POFUT3: variants seen among roughly 807,000 people sequenced by gnomAD.
The protein encoded by POFUT3 is protein O-fucosyltransferase 3, also known as GDP-fucose protein O-fucosyltransferase 3.
At chr8:33,451,097 T>C in the POFUT3 span, among the ~76,000 whole-genome samples, 2 of 150,486 alleles carry the variant, frequency 1.3e-5, no homozygotes, top group Non-Finnish European at 3.0e-5. Context: ...TGTGTACACA[T>C]ACATGTACAT....
At chr8:33,418,409 CTCT>C in the POFUT3 span, among the ~76,000 whole-genome samples, 1 of 110,138 alleles carries the variant, frequency 9.1e-6, no homozygotes, top group African/African-American at 3.9e-5. Flanking sequence ...AAAAAGGGAA[CTCT>C]TTTTTTTTTT....
the POFUT3 span, among the ~76,000 whole-genome samples, chr8:33,445,925 C>T: frequency 2.1e-4 from 32 of 152,286 alleles, 1 homozygote; most frequent in Admixed American, 1.9e-3. Flanking sequence ...CATCACCTAC[C>T]AGACCCACCC....
the POFUT3 span, among the ~76,000 whole-genome samples, chr8:33,417,719 C>CCA: frequency 6.6e-6 from 1 of 152,148 alleles, no homozygotes; most frequent in Admixed American, 6.5e-5. Context: ...CTCGCCTCCT[C>CCA]CACCAAGAGC....
chr8:33,395,514 C>G, the POFUT3 span, among the ~76,000 whole-genome samples: 7 of 152,058 alleles, frequency 4.6e-5, no homozygotes, highest in Non-Finnish European at 7.4e-5. Context: ...CCGCTCTATC[C>G]CCTTTCCAGC....
At chr8:33,309,185 T>TATATGGGG in the POFUT3 span, among the ~76,000 whole-genome samples, 1 of 112,076 alleles carries the variant, frequency 8.9e-6, no homozygotes, top group African/African-American at 3.9e-5. Flanking sequence ...TATATATATA[T>TATATGGGG]ATATATATAT....
chr8:33,371,072 T>C, the POFUT3 span: 1 of 151,960 alleles, frequency 6.6e-6, no homozygotes, highest in Non-Finnish European at 1.5e-5. Flanking sequence ...TGATGAACAA[T>C]GAAGAATGTT....
chr8:33,358,521 AT>A, the POFUT3 span, among the ~76,000 whole-genome samples: 3 of 152,224 alleles, frequency 2.0e-5, no homozygotes, highest in Admixed American at 6.5e-5. Context: ...TCAGTGTTCA[AT>A]TTATTAGGTG....
At chr8:33,436,391 C>T in the POFUT3 span, 1 of 1,411,064 alleles carries the variant, frequency 7.1e-7, no homozygotes, top group Non-Finnish European at 1.0e-6. Context: ...CAACGACCGT[C>T]TGGACCATAC....
the POFUT3 span, among the ~76,000 whole-genome samples, chr8:33,340,602 T>C: frequency 6.6e-6 from 1 of 151,948 alleles, no homozygotes; most frequent in Non-Finnish European, 1.5e-5. Flanking sequence ...AAAAGATATA[T>C]CATTTAAACA....
At chr8:33,359,356 T>A in the POFUT3 span, among the ~76,000 whole-genome samples, 7 of 152,360 alleles carry the variant, frequency 4.6e-5, no homozygotes, top group Non-Finnish European at 8.8e-5. Context: ...TTATGGCATC[T>A]ATTCTCAAAT....
At chr8:33,456,478 C>T in the POFUT3 span, among the ~76,000 whole-genome samples, 8 of 152,084 alleles carry the variant, frequency 5.3e-5, no homozygotes, top group Non-Finnish European at 4.4e-5. Context: ...CTGCCTCAGC[C>T]TCTGGAGTAG....
At chr8:33,376,078 T>C in the POFUT3 span, among the ~76,000 whole-genome samples, 2 of 151,632 alleles carry the variant, frequency 1.3e-5, no homozygotes, top group African/African-American at 4.8e-5. Flanking sequence ...ACCAAAATAG[T>C]TAAATAATTA....
chr8:33,323,236 T>C, the POFUT3 span, among the ~76,000 whole-genome samples: 2 of 152,220 alleles, frequency 1.3e-5, no homozygotes, highest in African/African-American at 4.8e-5. Context: ...GTCTTGATGA[T>C]GCGGACAGTA....
chr8:33,366,857 C>T, the POFUT3 span, among the ~76,000 whole-genome samples: 1 of 152,128 alleles, frequency 6.6e-6, no homozygotes, highest in Non-Finnish European at 1.5e-5. Flanking sequence ...GTTCAGCTCA[C>T]AACTCAATCA....
the POFUT3 span, among the ~76,000 whole-genome samples, chr8:33,431,800 G>A: frequency 2.0e-5 from 3 of 151,896 alleles, no homozygotes; most frequent in East Asian, 1.9e-4. Flanking sequence ...AGGCATATAT[G>A]AGCAATAACA....
the POFUT3 span, among the ~76,000 whole-genome samples, chr8:33,383,686 C>T: frequency 1.3e-5 from 2 of 152,058 alleles, no homozygotes; most frequent in African/African-American, 4.8e-5. Context: ...GTAATCCCAG[C>T]TACTCAGGAG....
chr8:33,450,090 A>G, the POFUT3 span, among the ~76,000 whole-genome samples: 1 of 152,044 alleles, frequency 6.6e-6, no homozygotes, highest in Non-Finnish European at 1.5e-5. Context: ...GGCATGATGC[A>G]TGACCACGCC....
At chr8:33,369,493 C>T in the POFUT3 span, among the ~76,000 whole-genome samples, 3 of 152,128 alleles carry the variant, frequency 2.0e-5, no homozygotes, top group African/African-American at 7.2e-5. Flanking sequence ...ATATTTTGCT[C>T]CAGAACTGTG....
the POFUT3 span, among the ~76,000 whole-genome samples, chr8:33,402,095 A>G: frequency 6.6e-6 from 1 of 152,146 alleles, no homozygotes; most frequent in Admixed American, 6.6e-5. Flanking sequence ...ATTATATCCT[A>G]AGGCACTCAG....
Sources: gnomAD v4.1 joint callset for allele counts (sites outside exome capture counted in the v4.1 genomes callset) on GRCh38, gnomAD v4.1.1 for gene constraint, MANE v1.5 for transcripts, NCBI Gene and HGNC (gene_info 2026-07-23, HGNC 2026-07-21) for gene names.